Variants in MTHFD1L observed in about 807,000 individuals in gnomAD.
The protein encoded by MTHFD1L is monofunctional C1-tetrahydrofolate synthase, mitochondrial.
MTHFD1L carries 81 observed loss-of-function variants against 119.5 expected under a neutral mutation model. The observed-to-expected ratio is 0.68, with a 90% confidence interval of 0.57 to 0.82. MTHFD1L has a LOEUF of 0.82. Among genes scored for constraint, MTHFD1L ranks in the 40% least tolerant of loss-of-function variants. MTHFD1L has a pLI of 0.00. For missense variants in MTHFD1L, 1,125 were observed against 1,253.4 expected, an observed-to-expected ratio of 0.90 and a Z score of 1.55; for synonymous variants, 430 against 475.2, an observed-to-expected ratio of 0.90 and a Z score of 1.24.
intron 1 of MTHFD1L, among the ~76,000 whole-genome samples, chr6:150,872,561 C>G (rs1412123466): frequency 6.6e-6 from 1 of 152,078 alleles, no homozygotes; most frequent in Non-Finnish European, 1.5e-5. Context: ...AACACAATTA[C>G]AACAGTAACA....
chr6:150,972,210 G>T (rs1019062628), intron 20 of MTHFD1L, 152 bp downstream of exon 20: 1 of 686,106 alleles, frequency 1.5e-6, no homozygotes, highest in Non-Finnish European at 2.5e-6. Context: ...AAGCCCTAAG[G>T]TCTGGTCTAT....
rs186017779 is a variant in MTHFD1L at position 150,998,716 on chromosome 6, C to T, written c.2126-11103C>T. Among the ~76,000 whole-genome samples the T allele has an allele frequency of 1.6e-3, 241 of 150,406 alleles. 3 individuals are homozygous for T. Among genetic ancestry groups the T allele is most frequent in the African/African-American group, 5.7e-3 (231 of 40,688 alleles). On this transcript the variant is annotated intron_variant, in intron 20 of 27. Transcript: ENST00000367321. ...CCAGGGCCAGGCACAGTGGCTCACA[C>T]CTGTAATCCCAGCATTTTGGGAGGC...
intron 1 of MTHFD1L, among the ~76,000 whole-genome samples, chr6:150,870,522 G>A (rs1320064475): frequency 6.6e-6 from 1 of 152,030 alleles, no homozygotes; most frequent in Non-Finnish European, 1.5e-5. Flanking sequence ...AGTAAAACGA[G>A]TCACACAAAT....
intron 20 of MTHFD1L, among the ~76,000 whole-genome samples, chr6:150,998,683 AC>A (rs1458932366): frequency 1.3e-5 from 2 of 150,216 alleles, no homozygotes; most frequent in Admixed American, 1.3e-4. Flanking sequence ...AATTATTAAA[AC>A]TATTGTCCAG....
Position 150,877,649 on chromosome 6 carries a change from T to C in MTHFD1L, c.328T>C (p.Leu110=). ...CCTTCCTAAGGCAGGTGACGACAAC[T>C]TGATGCAGGAAATCAACCAGAATTT... The part of the protein sequence containing the change: ...LAIIQAGDDN[L]MQEINQNLAE... The change falls in exon 3 of 28, where the codon TTG becomes CTG. Residue 110 remains leucine (L), a synonymous_variant. Coordinates refer to ENST00000367321, the MANE Select transcript of MTHFD1L (RefSeq NM_015440.5). 6.2e-7 allele frequency: 1 copy of C among 1,614,200 alleles called. No individual in the cohort carries two copies. Among genetic ancestry groups the C allele is most frequent in the Non-Finnish European group, 8.5e-7 (1 of 1,180,030 alleles).
At chr6:151,081,498 CAAAAAAA>C (rs56795003) in intron 26 of MTHFD1L, among the ~76,000 whole-genome samples, 4,376 of 97,972 alleles carry the variant, frequency 0.045, 75 homozygotes, top group Non-Finnish European at 0.063. Flanking sequence ...ACTAAAAATG[CAAAAAAA>C]AAAAAAAAAA....
At chr6:151,086,623 G>C (rs1793833501) in intron 26 of MTHFD1L, among the ~76,000 whole-genome samples, 1 of 152,068 alleles carries the variant, frequency 6.6e-6, no homozygotes, top group African/African-American at 2.4e-5. Flanking sequence ...GACCTCCTGG[G>C]CTCAAGAGAT....
intron 2 of MTHFD1L, 104 bp downstream of exon 2, chr6:150,876,278 G>T: frequency 1.1e-6 from 1 of 910,576 alleles, no homozygotes; most frequent in Non-Finnish European, 1.6e-6. Flanking sequence ...AAGAGGAGAG[G>T]GCTCAGTTGG....
intron 8 of MTHFD1L, 87 bp from the exon 9 acceptor site, chr6:150,918,490 A>G (rs1788373269): frequency 2.2e-6 from 2 of 927,630 alleles, no homozygotes; most frequent in Non-Finnish European, 3.6e-6. Context: ...TGAGACCACT[A>G]TTCAGTGTGC....
chr6:150,895,613 G>GTTT (rs10630027), intron 7 of MTHFD1L, among the ~76,000 whole-genome samples: 2,827 of 134,404 alleles, frequency 0.021, 96 homozygotes, highest in African/African-American at 0.068. Flanking sequence ...GTTTTTTGTG[G>GTTT]TTTTTTTTTT....
chr6:150,911,130 C>A (rs1391598884), intron 8 of MTHFD1L, among the ~76,000 whole-genome samples: 3 of 152,014 alleles, frequency 2.0e-5, no homozygotes, highest in Non-Finnish European at 4.4e-5. Context: ...AATTAGTTCT[C>A]AATACAATGT....
intron 26 of MTHFD1L, among the ~76,000 whole-genome samples, chr6:151,073,245 C>G (rs747006002): frequency 1.3e-5 from 2 of 152,154 alleles, no homozygotes; most frequent in Non-Finnish European, 1.5e-5. Flanking sequence ...CTTGAGCATG[C>G]AAGTGCGTAC....
intron 7 of MTHFD1L, among the ~76,000 whole-genome samples, chr6:150,893,208 G>A (rs1200770909): frequency 6.6e-6 from 1 of 152,102 alleles, no homozygotes; most frequent in East Asian, 1.9e-4. Context: ...GGGATTACAG[G>A]CGAGCACCAC....
intron 18 of MTHFD1L, among the ~76,000 whole-genome samples, chr6:150,963,063 C>A (rs1427963187): frequency 6.6e-6 from 1 of 151,928 alleles, no homozygotes; most frequent in Non-Finnish European, 1.5e-5. Flanking sequence ...TGACAGGCAC[C>A]TGCCACCATG....
intron 20 of MTHFD1L, among the ~76,000 whole-genome samples, chr6:151,005,149 A>G (rs1781201986): frequency 6.6e-6 from 1 of 152,148 alleles, no homozygotes; most frequent in African/African-American, 2.4e-5. Flanking sequence ...GTTCCCAAGA[A>G]GTACCTAGGA....
intron 7 of MTHFD1L, among the ~76,000 whole-genome samples, chr6:150,892,547 C>A (rs1042582242): frequency 6.6e-6 from 1 of 152,158 alleles, no homozygotes. Context: ...TAGAGGCTAT[C>A]AACTTTCATT....
intron 26 of MTHFD1L, among the ~76,000 whole-genome samples, chr6:151,047,143 A>G (rs1254374753): frequency 6.6e-6 from 1 of 152,222 alleles, no homozygotes; most frequent in Admixed American, 6.5e-5. Context: ...GACATGATGC[A>G]TATGAAACCA....
chr6:151,045,528 T>G (rs1787865491), intron 26 of MTHFD1L, among the ~76,000 whole-genome samples: 1 of 152,224 alleles, frequency 6.6e-6, no homozygotes, highest in Non-Finnish European at 1.5e-5. Flanking sequence ...TGGGTCCTGG[T>G]TTGGCCCCAT....
intron 20 of MTHFD1L, among the ~76,000 whole-genome samples, chr6:151,004,269 G>A (rs1420987753): frequency 6.6e-6 from 1 of 152,002 alleles, no homozygotes; most frequent in Non-Finnish European, 1.5e-5. Flanking sequence ...AGGTTGCAGT[G>A]AGCCAAGATC....
Sources: allele counts gnomAD v4.1 joint callset (sites outside exome capture counted in the v4.1 genomes callset), GRCh38; gene constraint gnomAD v4.1.1; transcripts MANE v1.5; gene names NCBI Gene and HGNC (gene_info 2026-07-23, HGNC 2026-07-21).